The following EIF2AK4 variants were observed in gnomAD, a reference collection of about 807,000 sequenced individuals.
EIF2AK4 encodes eukaryotic translation initiation factor 2 alpha kinase 4.
A neutral mutation model predicts 211.1 loss-of-function variants in EIF2AK4; 139 were observed. The observed-to-expected ratio is 0.66, with a 90% CI of 0.57 to 0.76. EIF2AK4 has a LOEUF of 0.76. Ranked by LOEUF, EIF2AK4 falls within the 30% of genes least tolerant of loss-of-function variation. The pLI, the probability that EIF2AK4 is intolerant of heterozygous loss-of-function variation, is 0.00. For synonymous variants in EIF2AK4, 710 were observed against 751.3 expected, an observed-to-expected ratio of 0.94 and a Z score of 0.90; for missense variants, 1,664 against 2,043.8, an observed-to-expected ratio of 0.81 and a Z score of 3.58.
At chr15:40,024,700 CTT>C (rs34431419) in intron 32 of EIF2AK4, among the ~76,000 whole-genome samples, 7 of 140,368 alleles carry the variant, frequency 5.0e-5, no homozygotes, top group Admixed American at 7.1e-5. Context: ...GCCCAGCCTC[CTT>C]TTTTTTTTTT....
chr15:39,955,282 G>C (rs1221960752), intron 5 of EIF2AK4, among the ~76,000 whole-genome samples: 2 of 152,070 alleles, frequency 1.3e-5, no homozygotes. Context: ...TACATATTTA[G>C]GCATTAACAT....
In EIF2AK4 at chr15:39,949,336, A is replaced by G. The variant is rs1357837480; in HGVS notation, c.513+68A>G. On this transcript the variant is annotated intron_variant, in intron 4 of 38. Transcript: ENST00000263791. ...AGGATTGCAAACTACTGTAGGTTTT[A>G]TCTGTCTCTGCCTACAAACTTATCT... 4.4e-6 allele frequency: 7 copies of G among 1,579,634 alleles called. No individual in the cohort carries two copies. The East Asian group carries it at 1.6e-4, about 36-fold the overall frequency.
chr15:40,029,503 A>T, intron 34 of EIF2AK4, 39 bp downstream of exon 34: 1 of 1,596,532 alleles, frequency 6.3e-7, no homozygotes, highest in Non-Finnish European at 8.5e-7. Flanking sequence ...AATGATGCTT[A>T]TATGTTTGCT....
intron 28 of EIF2AK4, 35 bp downstream of exon 28, chr15:40,016,707 T>C: frequency 6.2e-7 from 1 of 1,604,428 alleles, no homozygotes; most frequent in East Asian, 2.2e-5. Context: ...AGTACAAATG[T>C]GTAGCATTAC....
In EIF2AK4 at chr15:40,019,123, G is replaced by A. The variant is rs2035349143; in HGVS notation, c.4096G>A (p.Gly1366Arg). The change falls in exon 30 of 39, where the codon GGG becomes AGG. Residue 1366 changes from glycine (G) to arginine (R), a missense_variant. Gly to Arg is a moderately radical substitution (Grantham distance 125). Around this residue, in one of 7 missense-constraint regions of EIF2AK4, gnomAD observed 622 missense variants for 796.8 expected, o/e 0.78. Transcript: ENST00000263791. Reference protein sequence around the residue: ...IPQFRGPQALGPVPTAIGVSI... With the variant: ...IPQFRGPQALRPVPTAIGVSI... ...CCAGTTTAGAGGGCCACAAGCTCTG[G>A]GGCCAGTTCCCACTGCCATTGGGGT... The A allele has an allele frequency of 1.2e-6, 2 of 1,607,518 alleles. No homozygotes were observed. The highest frequency in any genetic ancestry group is 1.7e-5 in the Admixed American group (1 of 59,194).
At chr15:40,017,306 T>C (rs2035316095) in intron 29 of EIF2AK4, 64 bp downstream of exon 29, 3 of 1,517,360 alleles carry the variant, frequency 2.0e-6, no homozygotes, top group Admixed American at 2.0e-5. Context: ...CTTGTTATTT[T>C]GAAATTTTCA....
chr15:40,030,018 A>G (rs2035518029), intron 34 of EIF2AK4, among the ~76,000 whole-genome samples: 1 of 152,266 alleles, frequency 6.6e-6, no homozygotes, highest in Middle Eastern at 3.4e-3. Flanking sequence ...CAGATTTCCA[A>G]TTCTTGCAGG....
chr15:40,015,669 T>G (rs992404338), intron 27 of EIF2AK4, among the ~76,000 whole-genome samples: 2 of 152,236 alleles, frequency 1.3e-5, no homozygotes, highest in Admixed American at 1.3e-4. Context: ...TTTTAAAAAT[T>G]TAAGTGATTT....
intron 29 of EIF2AK4, among the ~76,000 whole-genome samples, chr15:40,017,524 T>C (rs1234118949): frequency 1.2e-5 from 1 of 85,282 alleles, no homozygotes; most frequent in African/African-American, 6.0e-5. Flanking sequence ...TATATATATA[T>C]ATATATATAT....
chr15:39,976,878 G>T lies in EIF2AK4; in HGVS notation c.2249+34G>T, dbSNP rs77645462. 94,745 of 1,433,720 alleles carry T rather than the reference G, an allele frequency of 0.066. 4,389 individuals carry two copies. The highest frequency in any genetic ancestry group is 0.26 in the East Asian group (9,400 of 36,374). The allele number at this position is 1,433,720 out of a possible 1,614,324, so 88.8% of individuals were successfully genotyped here. A position where few individuals can be genotyped will look rare whatever the true frequency, so the allele number is the denominator to read the frequency against. ...ACGGCGCGGACCAGCTGCCTCTGAT[G>T]CGCCCCCTAGTTTCCTTTCTTTATT... On this transcript the variant is annotated intron_variant, in intron 12 of 38. Transcript: ENST00000263791.
At chr15:39,962,591 T>A (rs1246406883) in intron 7 of EIF2AK4, among the ~76,000 whole-genome samples, 1 of 152,228 alleles carries the variant, frequency 6.6e-6, no homozygotes, top group African/African-American at 2.4e-5. Flanking sequence ...CCTGAATAGC[T>A]AGGACTACAG....
At chr15:40,033,379 G>A (rs2035568933) in intron 37 of EIF2AK4, among the ~76,000 whole-genome samples, 1 of 151,956 alleles carries the variant, frequency 6.6e-6, no homozygotes, top group Non-Finnish European at 1.5e-5. Flanking sequence ...AATTAATTAG[G>A]TCCTTTATAA....
chr15:39,949,414 G>A (rs2034276343), intron 4 of EIF2AK4, 146 bp downstream of exon 4: 3 of 1,197,278 alleles, frequency 2.5e-6, no homozygotes, highest in Non-Finnish European at 3.4e-6. Flanking sequence ...GTGAGAGTAT[G>A]AAAAATATGA....
intron 5 of EIF2AK4, 83 bp downstream of exon 5, chr15:39,954,067 TC>T: frequency 1.2e-5 from 13 of 1,102,014 alleles, no homozygotes; most frequent in South Asian, 3.3e-5. Context: ...TGTGTTACTA[TC>T]AGTAATACAG....
intron 33 of EIF2AK4, among the ~76,000 whole-genome samples, chr15:40,027,907 GAAC>G (rs1292453246): frequency 4.7e-5 from 7 of 149,982 alleles, no homozygotes; most frequent in East Asian, 1.9e-4. Context: ...AAAACAAAAA[GAAC>G]AACAACAACA....
At chr15:40,022,721 C>T (rs1281727333) in intron 32 of EIF2AK4, 116 bp downstream of exon 32, 2 of 805,124 alleles carry the variant, frequency 2.5e-6, no homozygotes, top group Non-Finnish European at 3.9e-6. Flanking sequence ...CCTCTACTCT[C>T]CCTTTCCATT....
Position 39,976,589 on chromosome 15 carries a change from C to G in EIF2AK4, c.1994C>G (p.Pro665Arg). ...WIERHERPAG[P>R]GTPPPDSGPL... ...GAGCGGCACGAGCGGCCGGCGGGAC[C>G]GGGGACGCCGCCCCCGGACTCCGGG... Residue 665 changes from proline (P) to arginine (R), a missense_variant, in exon 12 of 39, where the codon CCG becomes CGG. Physicochemically the swap from Pro to Arg is moderately radical, Grantham distance 103. Around this residue, in one of 7 missense-constraint regions of EIF2AK4, gnomAD observed 206 missense variants for 201.9 expected, o/e 1.02. Transcript: ENST00000263791. The G allele has an allele frequency of 4.3e-6, 7 of 1,610,160 alleles. No individual in the cohort carries two copies. The highest frequency in any genetic ancestry group is 5.9e-6 in the Non-Finnish European group (7 of 1,178,764).
intron 27 of EIF2AK4, among the ~76,000 whole-genome samples, chr15:40,015,364 A>G (rs1217736601): frequency 1.3e-5 from 2 of 152,260 alleles, no homozygotes; most frequent in African/African-American, 4.8e-5. Context: ...AGGAGGCCTC[A>G]CAATCATGGT....
intron 4 of EIF2AK4, among the ~76,000 whole-genome samples, chr15:39,953,557 C>T (rs1053292914): frequency 6.6e-6 from 1 of 152,134 alleles, no homozygotes; most frequent in African/African-American, 2.4e-5. Context: ...TTGTTCTCTG[C>T]AGATAGGCAG....
Sources: allele counts gnomAD v4.1 joint callset (sites outside exome capture counted in the v4.1 genomes callset), GRCh38; gene constraint gnomAD v4.1.1; regional missense constraint gnomAD v4.1.1; transcripts MANE v1.5; gene names NCBI Gene and HGNC (gene_info 2026-07-23, HGNC 2026-07-21).